Variants in ZNF143 observed in about 807,000 individuals in gnomAD.
ZNF143 encodes the protein SPH-binding factor.
In ZNF143, 49 loss-of-function variants were observed where a neutral mutation model predicts 74.1. The ratio of observed to expected loss-of-function variants is 0.66; its 90% CI spans 0.53 to 0.84. ZNF143 has a LOEUF of 0.84. ZNF143 is among the 40% of genes least tolerant of loss of function. The pLI, the probability that ZNF143 is intolerant of heterozygous loss-of-function variation, is 0.00. For missense variants in ZNF143, 637 were observed against 793.4 expected (o/e 0.80, Z 2.37); for synonymous variants, 304 against 282.8 (o/e 1.07, Z -0.75).
At chr11:9,466,487 G>T (rs1856224019) in intron 1 of ZNF143, among the ~76,000 whole-genome samples, 1 of 150,614 alleles carries the variant, frequency 6.6e-6, no homozygotes, top group Admixed American at 6.7e-5. Flanking sequence ...GTAGTGACTG[G>T]GTTTCACCAT....
At chr11:9,522,272 G>C (rs562202259) in intron 14 of ZNF143, among the ~76,000 whole-genome samples, 1 of 152,162 alleles carries the variant, frequency 6.6e-6, no homozygotes, top group Admixed American at 6.6e-5. Flanking sequence ...GGGAGGCTGA[G>C]GCAAGTGTTC....
Position 9,508,650 on chromosome 11 carries a change from G to A in ZNF143, c.1179G>A (p.Gly393=), listed in dbSNP as rs1250091760. ...GEKPYVCTVP[G]CDKRFTEYSS... ...AGCCATATGTTTGTACAGTTCCTGG[G>A]TGTGACAAAAGGTTTACAGAATATT... Residue 393 remains glycine (G), a synonymous_variant, in exon 12 of 16, where the codon GGG becomes GGA. Transcript: ENST00000396602. 1 of 1,613,150 alleles carries A rather than the reference G, an allele frequency of 6.2e-7. No individual in the cohort carries two copies. The highest frequency in any genetic ancestry group is 1.3e-5 in the African/African-American group (1 of 74,898).
rs531473107 is a variant in ZNF143 at position 9,470,809 on chromosome 11, C to G, written c.-7-493C>G. Among the ~76,000 whole-genome samples the G allele has an allele frequency of 2.0e-5, 3 of 152,078 alleles. No homozygotes were observed. In the East Asian group the frequency reaches 5.8e-4, roughly 29 times the overall value. Reference sequence around the variant, plus strand: ...TGTGTCAAAAGAAGAGTGTAGGAGGCTAATGGAGAAGCAGGGAAATAAGTT... The same window carrying G: ...TGTGTCAAAAGAAGAGTGTAGGAGGGTAATGGAGAAGCAGGGAAATAAGTT... On this transcript the variant is annotated intron_variant, in intron 1 of 15. Coordinates refer to ENST00000396602, the MANE Select transcript of ZNF143 (RefSeq NM_003442.6).
Position 9,472,914 on chromosome 11 carries a change from C to CT in ZNF143, c.205+162dup, listed in dbSNP as rs35668857. 97,222 of 322,256 alleles carry CT rather than the reference C, an allele frequency of 0.3. 10,027 individuals are homozygous for CT. The highest frequency in any genetic ancestry group is 0.34 in the Admixed American group (6,842 of 20,040). 20.0% of individuals were successfully genotyped at this position (322,256 alleles called of 1,614,324 possible). ...GATTTTAAGTCATTTCAGTTTAATT[C>CT]TTTTTTTTTTTTTTTTTATAATTTG... On this transcript the variant is annotated intron_variant, in intron 3 of 15. Transcript: ENST00000396602.
chr11:9,497,587 A>C, intron 9 of ZNF143, 88 bp from the exon 10 acceptor site: 1 of 1,026,076 alleles, frequency 9.7e-7, no homozygotes, highest in Non-Finnish European at 1.4e-6. Context: ...TATACTTGGT[A>C]TTGACTATAT....
At chr11:9,485,749 A>C (rs769205318) in intron 7 of ZNF143, among the ~76,000 whole-genome samples, 1 of 151,586 alleles carries the variant, frequency 6.6e-6, no homozygotes, top group East Asian at 1.9e-4. Context: ...AAGAGAATAC[A>C]TTTTTAAAAA....
rs561302901 is a variant in ZNF143 at position 9,473,730 on chromosome 11, T to C, written c.206-211T>C. On this transcript the variant is annotated intron_variant, in intron 3 of 15. Transcript: ENST00000396602. ...CTCTTGACCTCATCTAATTGAAAAT[T>C]GCAGGGGAGGAAGGATGGCTGAGGG... 76 of 1,482,642 alleles carry C rather than the reference T, an allele frequency of 5.1e-5. No individual in the cohort carries two copies. The South Asian group carries it at 8.8e-4, about 17-fold the overall frequency. 91.8% of individuals were successfully genotyped at this position (1,482,642 alleles called of 1,614,324 possible).
intron 5 of ZNF143, among the ~76,000 whole-genome samples, chr11:9,477,556 C>T (rs544958423): frequency 5.7e-4 from 87 of 152,136 alleles, no homozygotes; most frequent in Admixed American, 1.6e-3. Context: ...CAAAAGGCCG[C>T]ACTTTTTTCT....
chr11:9,474,701 T>A (rs540471905), intron 5 of ZNF143, 68 bp downstream of exon 5: 2 of 1,399,960 alleles, frequency 1.4e-6, no homozygotes, highest in African/African-American at 2.8e-5. Flanking sequence ...AGAAGACCTG[T>A]GTTTAGCTTC....
intron 10 of ZNF143, among the ~76,000 whole-genome samples, chr11:9,500,465 G>T (rs896514662): frequency 6.6e-6 from 1 of 151,052 alleles, no homozygotes; most frequent in African/African-American, 2.4e-5. Flanking sequence ...ATGGAGTCTC[G>T]CTCTGTCGCC....
chr11:9,500,579 G>T (rs946471258), intron 10 of ZNF143, among the ~76,000 whole-genome samples: 1 of 151,778 alleles, frequency 6.6e-6, no homozygotes, highest in Non-Finnish European at 1.5e-5. Flanking sequence ...GATTACAGGC[G>T]CCCGGCACCA....
At chr11:9,497,828 C>CTTTTTTTT (rs536473555) in intron 10 of ZNF143, 28 bp downstream of exon 10, 2 of 1,046,844 alleles carry the variant, frequency 1.9e-6, no homozygotes, top group Non-Finnish European at 2.5e-6. Flanking sequence ...GTGTCAAAAT[C>CTTTTTTTT]TTTTTTTTTT....
At chr11:9,467,890 A>G (rs549206442) in intron 1 of ZNF143, among the ~76,000 whole-genome samples, 10 of 150,674 alleles carry the variant, frequency 6.6e-5, no homozygotes, top group East Asian at 3.9e-4. Flanking sequence ...AATTCCTTCT[A>G]TAATTTTCAC....
chr11:9,464,792 G>A (rs983963033), intron 1 of ZNF143, among the ~76,000 whole-genome samples: 1 of 150,992 alleles, frequency 6.6e-6, no homozygotes, highest in Non-Finnish European at 1.5e-5. Context: ...GCATGGTGGC[G>A]GGCACCTGTA....
At chr11:9,473,597 T>G (rs1403055365) in intron 3 of ZNF143, among the ~76,000 whole-genome samples, 10 of 152,170 alleles carry the variant, frequency 6.6e-5, no homozygotes, top group Non-Finnish European at 1.5e-4. Context: ...ATAATCTGTC[T>G]GTCTTCCCAG....
intron 14 of ZNF143, among the ~76,000 whole-genome samples, chr11:9,520,686 G>A (rs1041209374): frequency 5.3e-5 from 8 of 152,196 alleles, no homozygotes; most frequent in African/African-American, 1.9e-4. Flanking sequence ...CTACTCAGGA[G>A]GCTGAGGCAG....
At chr11:9,495,727 G>A (rs1205056733) in intron 8 of ZNF143, among the ~76,000 whole-genome samples, 2 of 152,280 alleles carry the variant, frequency 1.3e-5, no homozygotes, top group Non-Finnish European at 2.9e-5. Context: ...AATTAAATAA[G>A]TTAATACCTT....
chr11:9,491,029 G>T (rs1335958339), intron 7 of ZNF143, among the ~76,000 whole-genome samples: 2 of 152,162 alleles, frequency 1.3e-5, no homozygotes, highest in Non-Finnish European at 2.9e-5. Flanking sequence ...CACTGCACTT[G>T]GCCTAAGAAA....
chr11:9,484,650 ACT>A (rs1847387471), intron 7 of ZNF143, among the ~76,000 whole-genome samples: 1 of 139,392 alleles, frequency 7.2e-6, no homozygotes, highest in Non-Finnish European at 1.5e-5. Flanking sequence ...ATGGAGTCTC[ACT>A]CTGTCGCCCA....
Sources: allele counts gnomAD v4.1 joint callset (sites outside exome capture counted in the v4.1 genomes callset), GRCh38; gene constraint gnomAD v4.1.1; transcripts MANE v1.5; gene names NCBI Gene and HGNC (gene_info 2026-07-23, HGNC 2026-07-21).